The following PTPRG variants were observed in gnomAD, a reference collection of about 807,000 sequenced individuals.
PTPRG encodes the protein protein tyrosine phosphatase receptor type G.
In PTPRG, 102 loss-of-function variants were observed where a neutral mutation model predicts 165.3. The observed-to-expected ratio is 0.62, with a 90% CI of 0.53 to 0.73. The LOEUF is 0.73. Ranked by LOEUF, PTPRG falls within the 30% of genes least tolerant of loss-of-function variation. PTPRG has a pLI of 0.00. For synonymous variants in PTPRG, 675 were observed against 669.5 expected (o/e 1.01, Z -0.13); for missense variants, 1,866 against 1,861.4 (o/e 1.00, Z -0.05).
intron 1 of PTPRG, among the ~76,000 whole-genome samples, chr3:61,672,971 G>C (rs1217156120): frequency 6.6e-6 from 1 of 151,554 alleles, no homozygotes; most frequent in African/African-American, 2.4e-5. Flanking sequence ...AGACCAGCCT[G>C]TGTGACATGG....
At chr3:61,563,160 GGCGGTT>G (rs1699809854) in intron 1 of PTPRG, among the ~76,000 whole-genome samples, 1 of 151,276 alleles carries the variant, frequency 6.6e-6, no homozygotes, top group African/African-American at 2.4e-5. Flanking sequence ...CGGCGGCCGG[GGCGGTT>G]TCGGCGGCCG....
chr3:61,693,662 G>T (rs2030366040), intron 1 of PTPRG, among the ~76,000 whole-genome samples: 1 of 152,128 alleles, frequency 6.6e-6, no homozygotes, highest in Non-Finnish European at 1.5e-5. Flanking sequence ...AGAAGATGAA[G>T]ACGTATTGAA....
At chr3:61,854,889 T>A (rs1253273325) in intron 2 of PTPRG, among the ~76,000 whole-genome samples, 2 of 152,114 alleles carry the variant, frequency 1.3e-5, no homozygotes, top group Non-Finnish European at 2.9e-5. Flanking sequence ...TATTACAATT[T>A]TGAATTTAAG....
At chr3:61,629,771 G>A (rs1307676524) in intron 1 of PTPRG, among the ~76,000 whole-genome samples, 1 of 152,136 alleles carries the variant, frequency 6.6e-6, no homozygotes, top group Non-Finnish European at 1.5e-5. Context: ...AAAGCCTATG[G>A]CATTTTTGAA....
Position 62,039,606 on chromosome 3 carries a change from G to A in PTPRG, c.519+36109G>A, listed in dbSNP as rs568649613. ...ATTGGTAGATCTGAAGGGAGTCTAT[G>A]TACAGAACTATTGTTTACCATCCCG... On this transcript the variant is annotated intron_variant, in intron 4 of 29. Transcript: ENST00000474889. Among the ~76,000 whole-genome samples the A allele has an allele frequency of 2.8e-4, 42 of 152,276 alleles. 1 individual carries two copies. In the South Asian group the frequency reaches 8.3e-3, roughly 30 times the overall value.
At chr3:62,124,381 C>T (rs901416023) in intron 5 of PTPRG, 22 of 1,613,054 alleles carry the variant, frequency 1.4e-5, no homozygotes, top group Non-Finnish European at 1.8e-5. Flanking sequence ...CCAGGGTGAT[C>T]TGCAGGTCCA....
At chr3:61,762,704 A>G (rs141674035) in intron 2 of PTPRG, among the ~76,000 whole-genome samples, 50 of 152,270 alleles carry the variant, frequency 3.3e-4, no homozygotes, top group African/African-American at 1.2e-3. Context: ...ATGAATGAGT[A>G]TAAGGATTTG....
At chr3:61,609,484 C>A (rs760495369) in intron 1 of PTPRG, among the ~76,000 whole-genome samples, 3 of 152,192 alleles carry the variant, frequency 2.0e-5, no homozygotes, top group Non-Finnish European at 2.9e-5. Context: ...AAGAGTAGTA[C>A]AAACAGAAAA....
intron 2 of PTPRG, among the ~76,000 whole-genome samples, chr3:61,827,063 C>T (rs1463127214): frequency 1.3e-5 from 2 of 152,048 alleles, no homozygotes; most frequent in Admixed American, 6.6e-5. Flanking sequence ...ACGTTTGTTG[C>T]CTTTAGTTGG....
At chr3:61,666,628 A>G (rs1702820201) in intron 1 of PTPRG, among the ~76,000 whole-genome samples, 1 of 152,224 alleles carries the variant, frequency 6.6e-6, no homozygotes, top group African/African-American at 2.4e-5. Context: ...TGGTTTTCTC[A>G]AAACCTAAGG....
chr3:61,605,683 C>T (rs1031813277), intron 1 of PTPRG, among the ~76,000 whole-genome samples: 1 of 152,088 alleles, frequency 6.6e-6, no homozygotes, highest in African/African-American at 2.4e-5. Context: ...ATTCTTTCAC[C>T]TCTGCCTCCC....
At chr3:61,917,688 G>T (rs376578434) in intron 2 of PTPRG, among the ~76,000 whole-genome samples, 1 of 152,224 alleles carries the variant, frequency 6.6e-6, no homozygotes, top group East Asian at 1.9e-4. Context: ...CCAGCACTTT[G>T]CGAGGCTGAG....
chr3:62,272,476 TC>T (rs1702097520), intron 21 of PTPRG, among the ~76,000 whole-genome samples: 1 of 152,222 alleles, frequency 6.6e-6, no homozygotes, highest in South Asian at 2.1e-4. Flanking sequence ...ACTTTGGTAC[TC>T]AAATACATGT....
intron 5 of PTPRG, among the ~76,000 whole-genome samples, chr3:62,122,407 T>C (rs880417): frequency 0.33 from 50,358 of 152,028 alleles, 8,915 homozygotes; most frequent in East Asian, 0.51. Context: ...TGATACTTAA[T>C]CTGCAGAGAC....
At chr3:62,259,174 C>T (rs536587569) in intron 16 of PTPRG, among the ~76,000 whole-genome samples, 1 of 152,260 alleles carries the variant, frequency 6.6e-6, no homozygotes, top group South Asian at 2.1e-4. Context: ...GGACCAGTGG[C>T]CACAATCACT....
At chr3:61,970,693 T>A (rs979632240) in intron 2 of PTPRG, among the ~76,000 whole-genome samples, 1 of 152,054 alleles carries the variant, frequency 6.6e-6, no homozygotes, top group Non-Finnish European at 1.5e-5. Flanking sequence ...ATTTGAACTC[T>A]TAAAAAAATT....
At chr3:61,813,005 A>G (rs1456220822) in intron 2 of PTPRG, among the ~76,000 whole-genome samples, 1 of 152,140 alleles carries the variant, frequency 6.6e-6, no homozygotes, top group Non-Finnish European at 1.5e-5. Flanking sequence ...TGCAAAGAAT[A>G]CTTGTGTAGA....
At chr3:62,288,821 T>G (rs1399224291) in intron 28 of PTPRG, among the ~76,000 whole-genome samples, 7 of 152,064 alleles carry the variant, frequency 4.6e-5, no homozygotes, top group Non-Finnish European at 7.4e-5. Flanking sequence ...GAAACAGAAA[T>G]GAAATGAGAA....
intron 2 of PTPRG, among the ~76,000 whole-genome samples, chr3:61,765,298 C>T (rs1217158606): frequency 6.6e-6 from 1 of 152,116 alleles, no homozygotes; most frequent in Admixed American, 6.6e-5. Context: ...CACTTCTGGT[C>T]GTGGTGAAAA....
Sources: gnomAD v4.1 joint callset for allele counts (sites outside exome capture counted in the v4.1 genomes callset) on GRCh38, gnomAD v4.1.1 for gene constraint, MANE v1.5 for transcripts, NCBI Gene and HGNC (gene_info 2026-07-23, HGNC 2026-07-21) for gene names.